XRCC6: variants seen among roughly 807,000 people sequenced by gnomAD.
The protein encoded by XRCC6 is DNA repair protein Ku70.
In XRCC6, 5 loss-of-function variants were observed where a neutral mutation model predicts 65.7. The observed-to-expected ratio is 0.08, with a 90% CI of 0.04 to 0.16. The LOEUF is 0.16. Ranked by LOEUF, XRCC6 falls within the 10% of genes least tolerant of loss-of-function variation. The pLI is 1.00. For synonymous variants in XRCC6, 270 were observed against 270.6 expected (o/e 1.00, Z 0.02); for missense variants, 447 against 738.1 (o/e 0.61, Z 4.57).
intron 2 of XRCC6, among the ~76,000 whole-genome samples, chr22:41,622,849 G>A (rs772402490): frequency 1.3e-4 from 19 of 151,936 alleles, no homozygotes; most frequent in Non-Finnish European, 2.1e-4. Context: ...GGAGGCTGAG[G>A]CAGGAGAATG....
chr22:41,661,285 G>C, intron 11 of XRCC6, 46 bp from the exon 12 acceptor site: 2 of 1,544,798 alleles, frequency 1.3e-6, no homozygotes, highest in Non-Finnish European at 1.8e-6. Flanking sequence ...CAGCAAGCTG[G>C]GGCTCGTGAC....
At chr22:41,646,274 G>T (rs1045289384) in intron 6 of XRCC6, among the ~76,000 whole-genome samples, 21 of 151,658 alleles carry the variant, frequency 1.4e-4, no homozygotes, top group African/African-American at 5.1e-4. Flanking sequence ...CTGCACTCCA[G>T]CCCAACCAAT....
chr22:41,641,094 A>C (rs1555905387), intron 6 of XRCC6, among the ~76,000 whole-genome samples: 1 of 152,160 alleles, frequency 6.6e-6, no homozygotes, highest in Non-Finnish European at 1.5e-5. Flanking sequence ...AAAAAATTAA[A>C]AAACTGTACT....
At chr22:41,651,818 T>C (rs1444020197) in intron 8 of XRCC6, among the ~76,000 whole-genome samples, 1 of 149,042 alleles carries the variant, frequency 6.7e-6, no homozygotes, top group Admixed American at 6.7e-5. Flanking sequence ...TTTTTTGTTG[T>C]TGTCGCCTAG....
chr22:41,653,490 C>T (rs752641141), intron 8 of XRCC6, 39 bp from the exon 9 acceptor site: 8 of 1,529,118 alleles, frequency 5.2e-6, no homozygotes, highest in Non-Finnish European at 6.2e-6. Flanking sequence ...AGGAGGAAAC[C>T]TTTTTAGGAG....
intron 2 of XRCC6, among the ~76,000 whole-genome samples, chr22:41,627,228 A>G (rs1277687809): frequency 2.6e-5 from 4 of 152,178 alleles, no homozygotes; most frequent in Non-Finnish European, 5.9e-5. Flanking sequence ...GTCAAAGCTA[A>G]TGTTTAGAAA....
chr22:41,651,237 G>A (rs2067991524), intron 8 of XRCC6, among the ~76,000 whole-genome samples: 3 of 151,998 alleles, frequency 2.0e-5, no homozygotes, highest in African/African-American at 7.2e-5. Flanking sequence ...GACAGAGGTT[G>A]CAGTGAGCTG....
In XRCC6 at chr22:41,621,409, C is replaced by T. The variant is rs767593415; in HGVS notation, c.-16+64C>T. Reference sequence around the variant, plus strand: ...AGGCCTGGCCTCGTCCCGCTTCGCTCGGTCGGTCTCGCGCGCCCCCATAGC... The same window carrying T: ...AGGCCTGGCCTCGTCCCGCTTCGCTTGGTCGGTCTCGCGCGCCCCCATAGC... On this transcript the variant is annotated intron_variant, in intron 1 of 12. Transcript: ENST00000360079. 7 of 162,264 alleles carry T rather than the reference C, an allele frequency of 4.3e-5. No individual in the cohort carries two copies. In the South Asian group the frequency reaches 4.4e-4, roughly 10 times the overall value. The allele number at this position is 162,264 out of a possible 1,614,324, so 10.1% of individuals were successfully genotyped here.
At chr22:41,628,292 C>A (rs2067701092) in intron 3 of XRCC6, 62 bp downstream of exon 3, 7 of 1,403,874 alleles carry the variant, frequency 5.0e-6, no homozygotes, top group Non-Finnish European at 7.0e-6. Flanking sequence ...ATGGTGGCGG[C>A]TCATGCCTGT....
chr22:41,657,087 A>G (rs2068051952), intron 10 of XRCC6, 55 bp downstream of exon 10: 2 of 1,521,346 alleles, frequency 1.3e-6, no homozygotes, highest in Non-Finnish European at 8.8e-7. Context: ...ATCTTATTAG[A>G]AACAGCTTGG....
intron 2 of XRCC6, among the ~76,000 whole-genome samples, chr22:41,624,242 T>G: frequency 6.6e-6 from 1 of 151,748 alleles, no homozygotes; most frequent in East Asian, 1.9e-4. Flanking sequence ...AAAAGTTAGC[T>G]GAGTCTGTGG....
chr22:41,631,072 G>A (rs1016714066), intron 3 of XRCC6, among the ~76,000 whole-genome samples: 2 of 148,516 alleles, frequency 1.3e-5, no homozygotes, highest in Non-Finnish European at 3.0e-5. Flanking sequence ...CCCGGACAGG[G>A]CTGCTGGCCG....
rs17002533 is a variant in XRCC6 at position 41,621,350 on chromosome 22, G to A, written c.-16+5G>A. 0.015 allele frequency: 2,655 copies of A among 173,790 alleles called. 75 individuals carry two copies. The highest frequency in any genetic ancestry group is 0.059 in the African/African-American group (2,484 of 41,850). 10.8% of individuals were successfully genotyped at this position (173,790 alleles called of 1,614,324 possible). Reference sequence around the variant, plus strand: ...GGTCGCTTCCCTGCGCCAAAGGTAAGCGGGCCGTTATCCATTTGTGTTGTT... The same window carrying A: ...GGTCGCTTCCCTGCGCCAAAGGTAAACGGGCCGTTATCCATTTGTGTTGTT... On this transcript the variant is annotated splice_donor_5th_base_variant and intron_variant, in intron 1 of 12. Transcript: ENST00000360079.
intron 2 of XRCC6, 43 bp from the exon 3 acceptor site, chr22:41,628,075 C>A (rs781046960): frequency 7.2e-7 from 1 of 1,393,372 alleles, no homozygotes; most frequent in Non-Finnish European, 1.0e-6. Context: ...TAAACAAATA[C>A]GAAAACAAGG....
chr22:41,660,833 C>G (rs1420573630), intron 11 of XRCC6, among the ~76,000 whole-genome samples: 1 of 152,072 alleles, frequency 6.6e-6, no homozygotes, highest in Non-Finnish European at 1.5e-5. Flanking sequence ...TTTGAATTCC[C>G]AGAATCTAGC....
At chr22:41,650,428 T>C (rs1569093918) in intron 7 of XRCC6, among the ~76,000 whole-genome samples, 1 of 152,138 alleles carries the variant, frequency 6.6e-6, no homozygotes, top group Non-Finnish European at 1.5e-5. Flanking sequence ...AAAGAGGATC[T>C]CACTGTGTTG....
chr22:41,627,904 T>C (rs2067696134), intron 2 of XRCC6, among the ~76,000 whole-genome samples: 1 of 151,968 alleles, frequency 6.6e-6, no homozygotes, highest in African/African-American at 2.4e-5. Flanking sequence ...TTGACTTTTT[T>C]GGGGAGGTGG....
intron 9 of XRCC6, among the ~76,000 whole-genome samples, chr22:41,656,213 C>A (rs1235114113): frequency 1.1e-5 from 1 of 88,068 alleles, no homozygotes. Context: ...AAGATCCTGT[C>A]TCAAAAAAAA....
intron 2 of XRCC6, among the ~76,000 whole-genome samples, chr22:41,625,229 G>C (rs142063666): frequency 1.3e-5 from 2 of 152,362 alleles, no homozygotes; most frequent in African/African-American, 4.8e-5. Context: ...GCTTGAACAC[G>C]GGAGGTGGAG....
Sources: allele counts gnomAD v4.1 joint callset (sites outside exome capture counted in the v4.1 genomes callset), GRCh38; gene constraint gnomAD v4.1.1; transcripts MANE v1.5; gene names NCBI Gene and HGNC (gene_info 2026-07-23, HGNC 2026-07-21).